The following IQSEC1 variants were observed in gnomAD, a reference collection of about 807,000 sequenced individuals.
The protein encoded by IQSEC1 is IQ motif and SEC7 domain-containing protein 1.
In IQSEC1, 31 loss-of-function variants were observed where a neutral mutation model predicts 91.0. The ratio of observed to expected loss-of-function variants is 0.34; its 90% CI spans 0.26 to 0.46. The LOEUF (loss-of-function observed/expected upper bound fraction) is 0.46, where lower values mean the gene tolerates loss of function less well. Ranked by LOEUF, IQSEC1 falls within the 20% of genes least tolerant of loss-of-function variation. The pLI, the probability that IQSEC1 is intolerant of heterozygous loss-of-function variation, is 1.00. For synonymous variants in IQSEC1, 699 were observed against 662.6 expected (o/e 1.05, Z -0.84); for missense variants, 1,388 against 1,575.6 (o/e 0.88, Z 2.02).
In IQSEC1 at chr3:12,967,208, C is replaced by T. The variant is rs1700634630; in HGVS notation, c.24-25343G>A. Among the ~76,000 whole-genome samples the T allele has an allele frequency of 6.6e-6, 1 of 152,224 alleles. No homozygotes were observed. The highest frequency in any genetic ancestry group is 1.5e-5 in the Non-Finnish European group (1 of 68,040). ...CGCACAAACTCGGGTCCTGTTTGCTCTTCTCTCACCCAAACCCACAGTCTG... is the reference window on the plus strand; with the variant it reads ...CGCACAAACTCGGGTCCTGTTTGCTTTTCTCTCACCCAAACCCACAGTCTG... On this transcript the variant is annotated intron_variant, in intron 1 of 13. Transcript: ENST00000613206. The surrounding 1 kb of genome is among the most constrained non-coding windows in gnomAD (Gnocchi z 5.9).
chr3:13,047,507 G>C (rs552909235), intron 1 of IQSEC1: 1 of 985,186 alleles, frequency 1.0e-6, no homozygotes, highest in Non-Finnish European at 1.2e-6. Context: ...GGCTGCTTCC[G>C]GTGTCCAGGG....
In IQSEC1 at chr3:13,263,142, C is replaced by T. The variant is rs114757127; in HGVS notation, c.272+19569G>A. On this transcript the variant is annotated intron_variant, in intron 1 of 15. Coordinates refer to the IQSEC1 transcript ENST00000648114. ...GTACATGCATGTATTCCCTGCTACT[C>T]AGGAGGCTGAGGCTTGAGAATCTCT... 8.3e-3 allele frequency among the ~76,000 whole-genome samples: 1,263 copies of T among 152,186 alleles called. 19 individuals carry two copies. Among genetic ancestry groups the T allele is most frequent in the African/African-American group, 0.029 (1,217 of 41,522 alleles).
intron 1 of IQSEC1, chr3:13,015,806 C>T (rs1415117122): frequency 1.3e-5 from 11 of 859,248 alleles, no homozygotes; most frequent in Non-Finnish European, 1.5e-5. Context: ...GCTGAGGGGG[C>T]TCCTTCCAGG....
chr3:12,906,347 C>A (rs536241519), intron 12 of IQSEC1, among the ~76,000 whole-genome samples: 96 of 152,316 alleles, frequency 6.3e-4, no homozygotes, highest in African/African-American at 2.1e-3. Flanking sequence ...CAGCCCCCAT[C>A]TGGTCCAGAG....
intron 1 of IQSEC1, among the ~76,000 whole-genome samples, chr3:13,281,952 A>G (rs1236340822): frequency 6.6e-6 from 1 of 152,116 alleles, no homozygotes; most frequent in African/African-American, 2.4e-5. Flanking sequence ...CCGAAGGTCC[A>G]CACGGTGAGG....
chr3:13,188,018 A>G (rs1693962898), intron 1 of IQSEC1, among the ~76,000 whole-genome samples: 1 of 152,188 alleles, frequency 6.6e-6, no homozygotes, highest in Non-Finnish European at 1.5e-5. Flanking sequence ...TCTGGGGGAC[A>G]CAGACATTCA....
In IQSEC1 at chr3:12,967,552, C is replaced by A; in HGVS notation, c.24-25687G>T. The A allele has an allele frequency of 7.3e-7, 1 of 1,361,666 alleles. No homozygotes were observed. The highest frequency in any genetic ancestry group is 9.4e-7 in the Non-Finnish European group (1 of 1,066,288). The allele number at this position is 1,361,666 out of a possible 1,614,324, so 84.3% of individuals were successfully genotyped here. On this transcript the variant is annotated intron_variant, in intron 1 of 13. Transcript: ENST00000613206. This position sits in a 1 kb window ranked among gnomAD's most constrained non-coding sequence, Gnocchi z 5.9. ...AGCCGCCGGATCCCGGGGCCGACAC[C>A]CGGCCACCCGGAGACCCGACCACCC...
chr3:13,107,397 C>T (rs560253040), intron 2 of IQSEC1, among the ~76,000 whole-genome samples: 4 of 152,382 alleles, frequency 2.6e-5, no homozygotes, highest in African/African-American at 9.6e-5. Flanking sequence ...TAAGTGCCTA[C>T]TATACAGCAC....
chr3:13,158,425 C>T (rs545650619), intron 2 of IQSEC1, among the ~76,000 whole-genome samples: 1 of 152,324 alleles, frequency 6.6e-6, no homozygotes, highest in South Asian at 2.1e-4. Context: ...GGCTGCTTTG[C>T]CTTGGTATGG....
chr3:13,198,260 C>T (rs979344573), intron 1 of IQSEC1, among the ~76,000 whole-genome samples: 11 of 152,124 alleles, frequency 7.2e-5, no homozygotes, highest in Non-Finnish European at 1.5e-4. Flanking sequence ...TGTTATGGCC[C>T]ATTTGTGGGC....
upstream of IQSEC1, among the ~76,000 whole-genome samples, chr3:13,076,311 T>A (rs1338995412): frequency 6.6e-6 from 1 of 152,184 alleles, no homozygotes; most frequent in Non-Finnish European, 1.5e-5. Flanking sequence ...CCTTGCCTCA[T>A]CATTGTGGAC....
In IQSEC1 at chr3:12,970,749, T is replaced by G. The variant is rs1700852695; in HGVS notation, c.24-28884A>C. Among the ~76,000 whole-genome samples the G allele has an allele frequency of 2.0e-5, 3 of 152,330 alleles. No individual in the cohort carries two copies. The highest frequency in any genetic ancestry group is 3.4e-3 in the Middle Eastern group (1 of 294). On this transcript the variant is annotated intron_variant, in intron 1 of 13. Transcript: ENST00000613206. This position sits in a 1 kb window ranked among gnomAD's most constrained non-coding sequence, Gnocchi z 4.4. Reference sequence around the variant, plus strand: ...CTTGGTTTTCAGCTTCCTATGTCACTGCTCCCAGAAAGACACCCATGACCA... The same window carrying G: ...CTTGGTTTTCAGCTTCCTATGTCACGGCTCCCAGAAAGACACCCATGACCA...
chr3:12,901,797 T>A (rs1694341196), intron 13 of IQSEC1, among the ~76,000 whole-genome samples: 1 of 152,172 alleles, frequency 6.6e-6, no homozygotes, highest in Admixed American at 6.5e-5. Context: ...GTAGGACTTC[T>A]GGTCTCATTC....
intron 1 of IQSEC1, among the ~76,000 whole-genome samples, chr3:13,281,993 G>C (rs981236524): frequency 6.6e-6 from 1 of 152,280 alleles, no homozygotes; most frequent in African/African-American, 2.4e-5. Context: ...GACACTCATG[G>C]GAGGCAAACG....
intron 1 of IQSEC1, among the ~76,000 whole-genome samples, chr3:13,224,302 C>T (rs1036163888): frequency 6.6e-6 from 1 of 152,086 alleles, no homozygotes; most frequent in Non-Finnish European, 1.5e-5. Context: ...GAAAGAAGCC[C>T]CCACACCCAA....
Position 13,103,885 on chromosome 3 carries a change from A to C in IQSEC1, c.303-56363T>G, listed in dbSNP as rs1021621043. 6.6e-6 allele frequency among the ~76,000 whole-genome samples: 1 copy of C among 152,214 alleles called. No homozygotes were observed. Among genetic ancestry groups the C allele is most frequent in the Non-Finnish European group, 1.5e-5 (1 of 68,024 alleles). On this transcript the variant is annotated intron_variant, in intron 2 of 15. Transcript: ENST00000648114. The surrounding 1 kb of genome is among the most constrained non-coding windows in gnomAD (Gnocchi z 4.1). ...CACTAAATGAGCAGCAATATTTGCC[A>C]AAACTTAGGACATTACCTTTGTGCC...
chr3:13,268,785 A>G (rs1695542922), intron 1 of IQSEC1, among the ~76,000 whole-genome samples: 1 of 152,060 alleles, frequency 6.6e-6, no homozygotes, highest in Non-Finnish European at 1.5e-5. Context: ...AAAATATGTC[A>G]TTTTAAATTT....
intron 2 of IQSEC1, among the ~76,000 whole-genome samples, chr3:13,085,820 A>T (rs1341265323): frequency 6.6e-6 from 1 of 152,196 alleles, no homozygotes; most frequent in Non-Finnish European, 1.5e-5. Flanking sequence ...GGCCAATGCG[A>T]GGCTCTCGAG....
chr3:12,904,310 G>C lies in IQSEC1; in HGVS notation c.2756-1488C>G, dbSNP rs188125307. ...GGAGTTGGGGTCAGCAAAGGGCTTT[G>C]GGTGGCTCTGGCTTGTGTGACGTGG... On this transcript the variant is annotated intron_variant, in intron 12 of 13. Transcript: ENST00000613206. 3.8e-3 allele frequency among the ~76,000 whole-genome samples: 582 copies of C among 152,338 alleles called. 5 individuals are homozygous for C. Among genetic ancestry groups the C allele is most frequent in the African/African-American group, 0.013 (557 of 41,584 alleles).
Sources: gnomAD v4.1 joint callset for allele counts (sites outside exome capture counted in the v4.1 genomes callset) on GRCh38, gnomAD v4.1.1 for gene constraint, Gnocchi (gnomAD v3.1) non-coding constraint, MANE v1.5 for transcripts, NCBI Gene and HGNC (gene_info 2026-07-23, HGNC 2026-07-21) for gene names.